ARHGAP26: variants seen among roughly 807,000 people sequenced by gnomAD.
ARHGAP26 encodes rho GTPase-activating protein 26.
A neutral mutation model predicts 104.8 loss-of-function variants in ARHGAP26; 38 were observed. The observed-to-expected ratio is 0.36, with a 90% confidence interval of 0.28 to 0.48. The LOEUF (loss-of-function observed/expected upper bound fraction) is 0.48, where lower values mean the gene tolerates loss of function less well. Ranked by LOEUF, ARHGAP26 falls within the 20% of genes least tolerant of loss-of-function variation. The pLI, the probability that ARHGAP26 is intolerant of heterozygous loss-of-function variation, is 0.99. For missense variants in ARHGAP26, 704 were observed against 947.9 expected, an observed-to-expected ratio of 0.74 and a Z score of 3.38; for synonymous variants, 341 against 340.0, an observed-to-expected ratio of 1.00 and a Z score of -0.03.
At chr5:143,200,237 C>T (rs893061241) in intron 20 of ARHGAP26, among the ~76,000 whole-genome samples, 1 of 152,170 alleles carries the variant, frequency 6.6e-6, no homozygotes, top group African/African-American at 2.4e-5. Flanking sequence ...TGGAAATGCA[C>T]AGCAGTAGAA....
intron 22 of ARHGAP26, chr5:143,216,849 C>T (rs956635813): frequency 1.3e-5 from 2 of 153,120 alleles, no homozygotes; most frequent in African/African-American, 2.4e-5. Flanking sequence ...TACACTTTCT[C>T]AATTGGGTTA....
chr5:142,936,839 C>T (rs1017909775), intron 11 of ARHGAP26, among the ~76,000 whole-genome samples: 1 of 149,756 alleles, frequency 6.7e-6, no homozygotes, highest in East Asian at 1.9e-4. Context: ...AAAAAAAAGC[C>T]TTGACTTAAA....
rs1184228797 is a variant in ARHGAP26 at position 142,976,185 on chromosome 5, G to A, written c.1108-37895G>A. On this transcript the variant is annotated intron_variant, in intron 11 of 22. Coordinates refer to ENST00000645722, the MANE Select transcript of ARHGAP26 (RefSeq NM_001135608.3). ...TCATTGGAAGCTCTTTCCCATGAAG[G>A]ATTCTGCAGATTTTTAATACATGGT... Among the ~76,000 whole-genome samples the A allele has an allele frequency of 2.0e-5, 3 of 152,144 alleles. No individual in the cohort carries two copies. The East Asian group carries it at 5.8e-4, about 29-fold the overall frequency.
At chr5:142,956,603 G>C (rs2152638356) in intron 11 of ARHGAP26, among the ~76,000 whole-genome samples, 1 of 152,130 alleles carries the variant, frequency 6.6e-6, no homozygotes, top group East Asian at 1.9e-4. Context: ...AAAAAGCAGG[G>C]CAAACAGAAA....
intron 8 of ARHGAP26, among the ~76,000 whole-genome samples, chr5:142,904,632 T>C (rs540246431): frequency 3.3e-5 from 5 of 152,340 alleles, no homozygotes; most frequent in Admixed American, 1.3e-4. Context: ...CACAAGTTCA[T>C]GCCTTATGGC....
chr5:143,143,969 A>T (rs905873429), intron 19 of ARHGAP26, among the ~76,000 whole-genome samples: 5 of 152,216 alleles, frequency 3.3e-5, no homozygotes, highest in Admixed American at 2.6e-4. Flanking sequence ...TGATACAAAG[A>T]CAGATTCCTG....
intron 8 of ARHGAP26, 116 bp downstream of exon 8, chr5:142,903,785 A>C (rs1485405327): frequency 1.9e-6 from 2 of 1,065,192 alleles, no homozygotes; most frequent in African/African-American, 3.3e-5. Context: ...TAACAAGAAC[A>C]ATTTTATAGT....
intron 11 of ARHGAP26, among the ~76,000 whole-genome samples, chr5:142,967,522 C>T (rs929955555): frequency 6.6e-6 from 1 of 152,208 alleles, no homozygotes; most frequent in African/African-American, 2.4e-5. Flanking sequence ...TGGCTCACGC[C>T]TGTAATCCCA....
intron 20 of ARHGAP26, among the ~76,000 whole-genome samples, chr5:143,190,881 C>T (rs150797121): frequency 3.5e-4 from 53 of 152,350 alleles, no homozygotes; most frequent in African/African-American, 1.0e-3. Flanking sequence ...TACTTATACA[C>T]GCCAGAACAT....
intron 17 of ARHGAP26, among the ~76,000 whole-genome samples, chr5:143,062,492 T>A (rs1039577158): frequency 6.6e-6 from 1 of 150,796 alleles, no homozygotes; most frequent in Non-Finnish European, 1.5e-5. Flanking sequence ...GGCAGAATTA[T>A]CAAGAATTAA....
intron 12 of ARHGAP26, among the ~76,000 whole-genome samples, chr5:143,018,047 A>T (rs1779829624): frequency 6.6e-6 from 1 of 152,238 alleles, no homozygotes; most frequent in African/African-American, 2.4e-5. Context: ...TGATAGGTGT[A>T]AAATGATAGT....
intron 1 of ARHGAP26, among the ~76,000 whole-genome samples, chr5:142,816,326 T>A: frequency 6.6e-6 from 1 of 152,238 alleles, no homozygotes. Context: ...AGTGAATGGA[T>A]ATCATTTTGA....
intron 1 of ARHGAP26, among the ~76,000 whole-genome samples, chr5:142,779,542 T>G (rs1757072497): frequency 1.3e-5 from 2 of 152,348 alleles, no homozygotes; most frequent in African/African-American, 2.4e-5. Flanking sequence ...GTAGCTACTC[T>G]TTGACTCTTG....
chr5:143,127,025 C>A (rs1796804234), intron 18 of ARHGAP26, among the ~76,000 whole-genome samples: 1 of 152,186 alleles, frequency 6.6e-6, no homozygotes, highest in Non-Finnish European at 1.5e-5. Context: ...GGTCCAAGAT[C>A]TCAAAGCCCA....
At chr5:143,094,708 C>A (rs1301766243) in intron 17 of ARHGAP26, among the ~76,000 whole-genome samples, 1 of 152,150 alleles carries the variant, frequency 6.6e-6, no homozygotes, top group Non-Finnish European at 1.5e-5. Context: ...ATGTCATTCC[C>A]CTATTGGCTA....
At chr5:143,204,289 A>G (rs924974213) in intron 20 of ARHGAP26, among the ~76,000 whole-genome samples, 40 of 151,972 alleles carry the variant, frequency 2.6e-4, no homozygotes, top group African/African-American at 9.7e-4. Flanking sequence ...TTGGGAGGCC[A>G]AGGTGGGTGG....
chr5:142,868,456 T>G (rs879702697), intron 1 of ARHGAP26, among the ~76,000 whole-genome samples: 2 of 151,542 alleles, frequency 1.3e-5, no homozygotes, highest in Non-Finnish European at 2.9e-5. Context: ...CGGACAAAAG[T>G]GGATGTGGGG....
chr5:142,874,914 G>A (rs1281843804), intron 2 of ARHGAP26, 196 bp from the exon 3 acceptor site: 4 of 563,504 alleles, frequency 7.1e-6, no homozygotes, highest in Admixed American at 3.1e-5. Flanking sequence ...AGAGTGCCAG[G>A]TGGAATTAAC....
At chr5:142,771,293 G>T (rs1339852230) in intron 1 of ARHGAP26, 2 of 1,237,612 alleles carry the variant, frequency 1.6e-6, no homozygotes, top group Admixed American at 4.2e-5. Context: ...CTCCCTTAGG[G>T]GCAGAGTTGC....
Sources: allele counts gnomAD v4.1 joint callset (sites outside exome capture counted in the v4.1 genomes callset), GRCh38; gene constraint gnomAD v4.1.1; transcripts MANE v1.5; gene names NCBI Gene and HGNC (gene_info 2026-07-23, HGNC 2026-07-21).